Variants in SLC22A15 observed in about 807,000 individuals in gnomAD.
SLC22A15 encodes the protein flipt 1.
SLC22A15 carries 45 observed loss-of-function variants against 62.7 expected under a neutral mutation model. The ratio of observed to expected loss-of-function variants is 0.72; its 90% CI spans 0.56 to 0.92. The LOEUF (loss-of-function observed/expected upper bound fraction) is 0.92, where lower values mean the gene tolerates loss of function less well. SLC22A15 is among the 40% of genes least tolerant of loss of function. SLC22A15 has a pLI of 0.00. For synonymous variants in SLC22A15, 264 were observed against 267.0 expected (o/e 0.99, Z 0.11); for missense variants, 622 against 665.6 (o/e 0.93, Z 0.72).
At chr1:116,004,771 T>C (rs942656680) in intron 2 of SLC22A15, among the ~76,000 whole-genome samples, 4 of 152,140 alleles carry the variant, frequency 2.6e-5, no homozygotes, top group Admixed American at 1.3e-4. Context: ...CCTTAAGCCT[T>C]TGATAGAATT....
At chr1:116,042,531 T>C (rs373158916) in intron 8 of SLC22A15, among the ~76,000 whole-genome samples, 2 of 152,102 alleles carry the variant, frequency 1.3e-5, no homozygotes, top group East Asian at 3.9e-4. Context: ...AAGTGTAATA[T>C]TAGTCTTAGA....
chr1:116,037,302 G>T lies in SLC22A15; in HGVS notation c.1086-1G>T. On this transcript the variant is annotated splice_acceptor_variant, in intron 7 of 11. Transcript: ENST00000369503. LOFTEE classifies it high-confidence loss of function. ...CTGTGTAATTTCTTTCTATTGTTTA[G>T]GTTTGGTCGGAAGCGAACATTATCA... The T allele has an allele frequency of 6.2e-7, 1 of 1,612,098 alleles. No individual in the cohort carries two copies. Among genetic ancestry groups the T allele is most frequent in the Non-Finnish European group, 8.5e-7 (1 of 1,178,348 alleles).
Position 115,992,083 on chromosome 1 carries a change from C to T in SLC22A15, c.140C>T (p.Ser47Phe), listed in dbSNP as rs1212150155. 5 of 1,613,994 alleles carry T rather than the reference C, an allele frequency of 3.1e-6. No homozygotes were observed. Among genetic ancestry groups the T allele is most frequent in the Non-Finnish European group, 4.2e-6 (5 of 1,179,896 alleles). ...ILIALVGATP[S>F]YHWDLAELLP... ...ATTGCACTGGTTGGGGCCACGCCAT[C>T]CTACCACTGGGACCTGGCAGAGCTC... Residue 47 changes from serine to phenylalanine, a missense_variant, in exon 2 of 12, where the codon TCC becomes TTC. Physicochemically the swap from Ser to Phe is radical, Grantham distance 155. Transcript: ENST00000369503.
chr1:116,023,246 A>G (rs927720049), intron 4 of SLC22A15, among the ~76,000 whole-genome samples: 27 of 152,362 alleles, frequency 1.8e-4, no homozygotes, highest in African/African-American at 6.3e-4. Context: ...TTTGCATTGT[A>G]GTACTTAACA....
At chr1:115,984,861 G>GA (rs1240575076) in intron 1 of SLC22A15, among the ~76,000 whole-genome samples, 1 of 151,938 alleles carries the variant, frequency 6.6e-6, no homozygotes, top group Non-Finnish European at 1.5e-5. Context: ...TTTAAAAATA[G>GA]AAAAAAGCTT....
chr1:116,040,089 C>T (rs72996749), intron 8 of SLC22A15, among the ~76,000 whole-genome samples: 7,522 of 152,202 alleles, frequency 0.049, 255 homozygotes, highest in African/African-American at 0.089. Context: ...TTTTTTAGCA[C>T]CTGTATTTGA....
chr1:115,977,501 T>A (rs1487658854), intron 1 of SLC22A15, among the ~76,000 whole-genome samples: 1 of 152,268 alleles, frequency 6.6e-6, no homozygotes, highest in Non-Finnish European at 1.5e-5. Context: ...AAATGGCTCA[T>A]TTGACATTAG....
Position 116,067,076 on chromosome 1 carries a change from G to A in SLC22A15, c.1612G>A (p.Asp538Asn). 1 of 1,612,422 alleles carries A rather than the reference G, an allele frequency of 6.2e-7. No homozygotes were observed. The highest frequency in any genetic ancestry group is 8.5e-7 in the Non-Finnish European group (1 of 1,179,354). Residue 538 changes from aspartate to asparagine, a missense_variant, in exon 12 of 12, where the codon GAT becomes AAT. By Grantham distance (23) the Asp-to-Asn change is conservative. Transcript: ENST00000369503. Reference sequence around the variant, plus strand: ...GAGTGAGGAAGAGGAAGAATTTTATGATGCAGATGAAGAGACTCAGATGAT... The same window carrying A: ...GAGTGAGGAAGAGGAAGAATTTTATAATGCAGATGAAGAGACTCAGATGAT... ...SESEEEEEFY[D>N]ADEETQMIK
chr1:116,057,728 T>C lies in SLC22A15; in HGVS notation c.1172-5034T>C, dbSNP rs554801819. Among the ~76,000 whole-genome samples the C allele has an allele frequency of 5.3e-5, 8 of 152,160 alleles. No individual in the cohort carries two copies. The East Asian group carries it at 9.7e-4, about 18-fold the overall frequency. The stretch of plus-strand genomic sequence containing the variant: ...TACACCATGGAATACTATACAGCCA[T>C]AAAAAATGATGAGTTCATGTCCTTT... On this transcript the variant is annotated intron_variant, in intron 8 of 11. Coordinates refer to ENST00000369503, the MANE Select transcript of SLC22A15 (RefSeq NM_018420.3).
At position 116,067,017 on chromosome 1, in the gene SLC22A15, A is replaced by G. The variant is rs767941621; in HGVS notation, c.1555-2A>G. The G allele has an allele frequency of 5.0e-6, 8 of 1,609,918 alleles. No homozygotes were observed. Among genetic ancestry groups the G allele is most frequent in the Non-Finnish European group, 5.9e-6 (7 of 1,177,608 alleles). On this transcript the variant is annotated splice_acceptor_variant, in intron 11 of 11. Transcript: ENST00000369503. LOFTEE classifies it high-confidence loss of function. The stretch of plus-strand genomic sequence containing the variant: ...CTGCCCTTTTCTTCTTTCCTGTTTC[A>G]GTGTGTGGACAAGGAGAGCTCTTTA...
At chr1:115,995,056 A>G (rs74111131) in intron 2 of SLC22A15, among the ~76,000 whole-genome samples, 10,989 of 151,750 alleles carry the variant, frequency 0.072, 1,345 homozygotes, top group African/African-American at 0.25. Flanking sequence ...AATGTTCTTC[A>G]TTTTGGATCT....
rs578129493 is a variant in SLC22A15, at chr1:115,988,008, A to T, written c.88-4023A>T. Among the ~76,000 whole-genome samples the T allele has an allele frequency of 1.2e-3, 180 of 152,300 alleles. 1 individual carries two copies. The highest frequency in any genetic ancestry group is 4.0e-3 in the African/African-American group (168 of 41,556). ...GAGCTCTTAATGGTGTTAATATGAAATTACTTTAAAAACCTTCACTTCTTG... is the reference window on the plus strand; with the variant it reads ...GAGCTCTTAATGGTGTTAATATGAATTTACTTTAAAAACCTTCACTTCTTG... On this transcript the variant is annotated intron_variant, in intron 1 of 11. Transcript: ENST00000369503.
chr1:115,993,426 A>AGTGTGTGTGTGT (rs1553216968), intron 2 of SLC22A15, among the ~76,000 whole-genome samples: 2 of 123,062 alleles, frequency 1.6e-5, no homozygotes, highest in African/African-American at 7.8e-5. Flanking sequence ...TGAGTGTGTG[A>AGTGTGTGTGTGT]GAGTGTGTGT....
chr1:116,067,205 A>G lies in SLC22A15; in HGVS notation c.*97A>G. On this transcript the variant is annotated 3_prime_UTR_variant, in exon 12 of 12. Coordinates refer to ENST00000369503, the MANE Select transcript of SLC22A15 (RefSeq NM_018420.3). The stretch of plus-strand genomic sequence containing the variant: ...ACTCCTAAGAGAGTTGTAAAAATAG[A>G]GGCTTGGCTTGAATGTACATAGATG... 1.1e-6 allele frequency: 1 copy of G among 935,146 alleles called. No homozygotes were observed. Among genetic ancestry groups the G allele is most frequent in the Non-Finnish European group, 1.7e-6 (1 of 595,430 alleles). The allele number at this position is 935,146 out of a possible 1,614,324, so 57.9% of individuals were successfully genotyped here.
chr1:115,991,986 T>C, intron 1 of SLC22A15, 45 bp from the exon 2 acceptor site: 1 of 1,544,004 alleles, frequency 6.5e-7, no homozygotes, highest in Non-Finnish European at 8.9e-7. Flanking sequence ...TCAACATTGA[T>C]GGCAAATATC....
intron 2 of SLC22A15, among the ~76,000 whole-genome samples, chr1:116,008,092 C>T (rs1236068960): frequency 1.3e-5 from 2 of 152,042 alleles, no homozygotes; most frequent in Admixed American, 6.5e-5. Context: ...TATGCCTTGG[C>T]GGATTTGAGA....
intron 2 of SLC22A15, among the ~76,000 whole-genome samples, chr1:115,992,716 G>C (rs190971342): frequency 2.6e-5 from 4 of 151,098 alleles, no homozygotes; most frequent in African/African-American, 9.7e-5. Context: ...CTGCCTCCCG[G>C]GTTCAAGCAA....
Position 116,020,731 on chromosome 1 carries a change from T to C in SLC22A15, c.444T>C (p.Leu148=). ...GTTTTCTCTTTCTAGGTTTTGCTCTTGACATCTTATTTGCAATTGCAAATG... is the reference window on the plus strand; with the variant it reads ...GTTTTCTCTTTCTAGGTTTTGCTCTCGACATCTTATTTGCAATTGCAAATG... ...RKKVYLTGFA[L]DILFAIANGF... is the part of the protein sequence containing the mutation. Residue 148 remains leucine (L), a synonymous_variant, in exon 4 of 12, where the codon CTT becomes CTC. Coordinates refer to ENST00000369503, the MANE Select transcript of SLC22A15 (RefSeq NM_018420.3). The C allele has an allele frequency of 6.2e-7, 1 of 1,611,940 alleles. No homozygotes were observed. Among genetic ancestry groups the C allele is most frequent in the South Asian group, 1.1e-5 (1 of 90,754 alleles).
chr1:116,013,628 TG>T (rs1656386396), intron 2 of SLC22A15, among the ~76,000 whole-genome samples: 1 of 152,214 alleles, frequency 6.6e-6, no homozygotes. Flanking sequence ...CATAAGCATG[TG>T]GTCCATTTTA....
Sources: allele counts gnomAD v4.1 joint callset (sites outside exome capture counted in the v4.1 genomes callset), GRCh38; gene constraint gnomAD v4.1.1; transcripts MANE v1.5; gene names NCBI Gene and HGNC (gene_info 2026-07-23, HGNC 2026-07-21).